The following SLC14A2 variants were observed in gnomAD, a reference collection of about 807,000 sequenced individuals.
SLC14A2 encodes solute carrier family 14 member 2.
SLC14A2 carries 91 observed loss-of-function variants against 104.6 expected under a neutral mutation model. That is an observed-to-expected ratio of 0.87 (90% CI 0.73 to 1.04). SLC14A2 has a LOEUF of 1.04. SLC14A2 is among the 50% of genes least tolerant of loss of function. The probability of loss-of-function intolerance (pLI) is 0.00; values close to 1 mark genes in which losing one functional copy is unlikely to be tolerated. For missense variants in SLC14A2, 1,189 were observed against 1,156.0 expected (o/e 1.03, Z -0.41); for synonymous variants, 476 against 466.4 (o/e 1.02, Z -0.27).
chr18:45,297,142 ACAAT>A (rs2084924978), intron 1 of SLC14A2, among the ~76,000 whole-genome samples: 1 of 152,244 alleles, frequency 6.6e-6, no homozygotes, highest in African/African-American at 2.4e-5. Flanking sequence ...TTGGACATTA[ACAAT>A]CAATATAAGA....
intron 10 of SLC14A2, among the ~76,000 whole-genome samples, chr18:45,663,570 CTT>C (rs994724194): frequency 6.6e-6 from 1 of 152,180 alleles, no homozygotes; most frequent in African/African-American, 2.4e-5. Flanking sequence ...CAGACTATAA[CTT>C]GGGTTACTGT....
At chr18:45,486,113 G>A (rs376807620) in intron 2 of SLC14A2, among the ~76,000 whole-genome samples, 1 of 152,152 alleles carries the variant, frequency 6.6e-6, no homozygotes, top group Non-Finnish European at 1.5e-5. Flanking sequence ...GTGGAAGAAA[G>A]TCATCATTAG....
chr18:45,485,483 G>C (rs1190590575), intron 2 of SLC14A2, among the ~76,000 whole-genome samples: 1 of 152,112 alleles, frequency 6.6e-6, no homozygotes, highest in Non-Finnish European at 1.5e-5. Context: ...TAATGTTGGT[G>C]ATTTCAGTTT....
At chr18:45,337,126 C>G (rs933485271) in intron 1 of SLC14A2, among the ~76,000 whole-genome samples, 28 of 151,738 alleles carry the variant, frequency 1.8e-4, no homozygotes, top group Non-Finnish European at 4.0e-4. Context: ...CTCAGAAGGG[C>G]TGGAGTAGCC....
chr18:45,593,235 T>C (rs1006142110), intron 2 of SLC14A2, among the ~76,000 whole-genome samples: 4 of 151,244 alleles, frequency 2.6e-5, no homozygotes, highest in African/African-American at 9.7e-5. Context: ...GAGAATGGCG[T>C]GAACCCGGGA....
Position 45,632,491 on chromosome 18 carries a change from A to T in SLC14A2, c.650+13A>T, listed in dbSNP as rs1431511798. The T allele has an allele frequency of 1.2e-6, 2 of 1,612,098 alleles. No individual in the cohort carries two copies. Among genetic ancestry groups the T allele is most frequent in the Non-Finnish European group, 1.7e-6 (2 of 1,179,282 alleles). On this transcript the variant is annotated intron_variant, in intron 5 of 19. Coordinates refer to ENST00000255226, the MANE Select transcript of SLC14A2 (RefSeq NM_007163.4). Reference sequence around the variant, plus strand: ...CAGCCATGTCCTGGTGAGGCACCTCATTTTTTCTGCTCACAGCTCCATGGG... The same window carrying T: ...CAGCCATGTCCTGGTGAGGCACCTCTTTTTTTCTGCTCACAGCTCCATGGG...
chr18:45,291,339 C>T lies in SLC14A2; in HGVS notation c.-125+78148C>T, dbSNP rs149267460. 5.3e-5 allele frequency among the ~76,000 whole-genome samples: 8 copies of T among 151,948 alleles called. No individual in the cohort carries two copies. The East Asian group carries it at 5.8e-4, about 11-fold the overall frequency. Reference sequence around the variant, plus strand: ...CTTTCTTTCTCTCCCATAAAGGTTGCGTGGTAATAATGAGGAATGATGAGT... The same window carrying T: ...CTTTCTTTCTCTCCCATAAAGGTTGTGTGGTAATAATGAGGAATGATGAGT... On this transcript the variant is annotated intron_variant, in intron 1 of 20. Transcript: ENST00000586448.
intron 2 of SLC14A2, among the ~76,000 whole-genome samples, chr18:45,547,268 C>A (rs1290816303): frequency 6.6e-6 from 1 of 152,150 alleles, no homozygotes; most frequent in Non-Finnish European, 1.5e-5. Context: ...CACCAGAGAA[C>A]CTCATTCCCA....
intron 1 of SLC14A2, among the ~76,000 whole-genome samples, chr18:45,623,941 G>A (rs1398736870): frequency 6.6e-6 from 1 of 152,194 alleles, no homozygotes; most frequent in Non-Finnish European, 1.5e-5. Context: ...GCACTACCAA[G>A]GGGAAGCCAG....
intron 2 of SLC14A2, among the ~76,000 whole-genome samples, chr18:45,606,249 C>G (rs1361863133): frequency 1.3e-5 from 2 of 152,126 alleles, no homozygotes; most frequent in African/African-American, 4.8e-5. Flanking sequence ...TCTCCCCTGC[C>G]CCAATCTCAT....
intron 2 of SLC14A2, among the ~76,000 whole-genome samples, chr18:45,540,549 C>G (rs1485674924): frequency 6.6e-6 from 1 of 152,082 alleles, no homozygotes; most frequent in Non-Finnish European, 1.5e-5. Context: ...TCAACACCGA[C>G]CTGGCCAACA....
At chr18:45,587,821 G>A (rs545029240) in intron 2 of SLC14A2, among the ~76,000 whole-genome samples, 6 of 152,090 alleles carry the variant, frequency 3.9e-5, no homozygotes, top group East Asian at 1.9e-4. Context: ...ACCAGTTCAC[G>A]GTCTGCTATA....
At chr18:45,222,835 C>A (rs746662153) in intron 1 of SLC14A2, among the ~76,000 whole-genome samples, 1 of 152,168 alleles carries the variant, frequency 6.6e-6, no homozygotes, top group Non-Finnish European at 1.5e-5. Flanking sequence ...TATAAAGCAG[C>A]CATTTATGGG....
chr18:45,463,849 C>T (rs2087090296), intron 1 of SLC14A2, among the ~76,000 whole-genome samples: 1 of 152,160 alleles, frequency 6.6e-6, no homozygotes, highest in Admixed American at 6.5e-5. Context: ...TGATTAAGCA[C>T]TTTATGACAG....
At chr18:45,525,406 C>A (rs2043581007) in intron 2 of SLC14A2, among the ~76,000 whole-genome samples, 1 of 152,154 alleles carries the variant, frequency 6.6e-6, no homozygotes, top group African/African-American at 2.4e-5. Context: ...GCTGGTGCAT[C>A]CACCATGCAT....
intron 1 of SLC14A2, among the ~76,000 whole-genome samples, chr18:45,288,633 G>T (rs181706514): frequency 6.6e-6 from 1 of 152,230 alleles, no homozygotes; most frequent in East Asian, 1.9e-4. Context: ...TAAAACCTAT[G>T]GCCATTAGGG....
In SLC14A2 at chr18:45,562,767, G is replaced by C. The variant is rs144569416; in HGVS notation, c.-34-61864G>C. The stretch of plus-strand genomic sequence containing the variant: ...GATGCTGAGCTCTGGCCCCCGGAGA[G>C]GAGGGAGGGAAGGAAAAAATTCTCC... On this transcript the variant is annotated intron_variant, in intron 2 of 20. Coordinates refer to the SLC14A2 transcript ENST00000586448. Among the ~76,000 whole-genome samples the C allele has an allele frequency of 1.8e-3, 272 of 152,274 alleles. 1 individual carries two copies. Among genetic ancestry groups the C allele is most frequent in the African/African-American group, 6.2e-3 (258 of 41,560 alleles).
intron 1 of SLC14A2, among the ~76,000 whole-genome samples, chr18:45,471,028 C>G (rs924574164): frequency 2.0e-5 from 3 of 151,764 alleles, no homozygotes; most frequent in African/African-American, 7.3e-5. Flanking sequence ...CATTAACAAC[C>G]CACCACCAGT....
At chr18:45,608,479 C>T (rs1344202056) in intron 2 of SLC14A2, among the ~76,000 whole-genome samples, 2 of 152,160 alleles carry the variant, frequency 1.3e-5, no homozygotes, top group African/African-American at 4.8e-5. Flanking sequence ...CTCTTGGGTC[C>T]ATGCTCTTTT....
Sources: allele counts gnomAD v4.1 joint callset (sites outside exome capture counted in the v4.1 genomes callset), GRCh38; gene constraint gnomAD v4.1.1; transcripts MANE v1.5; gene names NCBI Gene and HGNC (gene_info 2026-07-23, HGNC 2026-07-21).